Variants in IL1RAPL1 observed in about 807,000 individuals in gnomAD.
IL1RAPL1 encodes the protein interleukin-1 receptor accessory protein-like 1.
Under a neutral mutation model 48.4 loss-of-function variants are expected in IL1RAPL1, and 3 were observed. The ratio of observed to expected loss-of-function variants is 0.06; its 90% confidence interval spans 0.03 to 0.16. The LOEUF (loss-of-function observed/expected upper bound fraction) is 0.16. Ranked by LOEUF, IL1RAPL1 falls within the 10% of genes least tolerant of loss-of-function variation. The probability of loss-of-function intolerance (pLI) is 1.00; values close to 1 mark genes in which losing one functional copy is unlikely to be tolerated. For synonymous variants in IL1RAPL1, 185 were observed against 187.7 expected (o/e 0.99, Z 0.12); for missense variants, 349 against 530.6 (o/e 0.66, Z 3.36).
intron 6 of IL1RAPL1, among the ~76,000 whole-genome samples, chrX:29,770,190 A>T (rs1422460987): frequency 8.9e-6 from 1 of 112,328 alleles, no homozygotes; most frequent in Non-Finnish European, 1.9e-5. Context: ...AATAAAACTG[A>T]TGGAAGCATG....
chrX:29,847,548 A>G (rs1389373683), intron 6 of IL1RAPL1, among the ~76,000 whole-genome samples: 1 of 112,340 alleles, frequency 8.9e-6, no homozygotes, highest in Non-Finnish European at 1.9e-5. Flanking sequence ...CACCAATGTT[A>G]TCAAAATCAT....
intron 5 of IL1RAPL1, among the ~76,000 whole-genome samples, chrX:29,524,440 A>T (rs751060490): frequency 2.7e-5 from 3 of 111,537 alleles, no homozygotes; most frequent in African/African-American, 9.7e-5. Context: ...TATATTTTAT[A>T]TCAGCTTAAG....
intron 2 of IL1RAPL1, among the ~76,000 whole-genome samples, chrX:29,009,326 C>A (rs1005017489): frequency 9.0e-6 from 1 of 111,586 alleles, no homozygotes; most frequent in African/African-American, 3.3e-5. Context: ...AACAAACCTG[C>A]ACATGTACCC....
intron 2 of IL1RAPL1, among the ~76,000 whole-genome samples, chrX:29,216,790 GTTAGAGCA>G (rs934360934): frequency 1.5e-4 from 17 of 111,825 alleles, no homozygotes; most frequent in African/African-American, 5.5e-4. Context: ...GATTCAATGG[GTTAGAGCA>G]TGAGTCTTTA....
At chrX:29,374,835 A>T (rs1261463716) in intron 3 of IL1RAPL1, among the ~76,000 whole-genome samples, 1 of 111,144 alleles carries the variant, frequency 9.0e-6, no homozygotes, top group African/African-American at 3.3e-5. Flanking sequence ...TTTGGGGTCA[A>T]TAAAAAAAGG....
chrX:29,766,327 CAAAAAA>C (rs1220003136), intron 6 of IL1RAPL1, among the ~76,000 whole-genome samples: 7 of 25,639 alleles, frequency 2.7e-4, no homozygotes, highest in African/African-American at 1.5e-3. Flanking sequence ...GACTCCGTCT[CAAAAAA>C]AAAAAAAAAA....
chrX:29,802,777 ATATATGTGTG>A (rs1371712809), intron 6 of IL1RAPL1, among the ~76,000 whole-genome samples: 7 of 24,372 alleles, frequency 2.9e-4, no homozygotes, highest in Non-Finnish European at 4.8e-4. Context: ...ATATATATAT[ATATATGTGTG>A]TGTGTATATA....
At chrX:29,715,559 ATTGT>A (rs778979698) in intron 6 of IL1RAPL1, among the ~76,000 whole-genome samples, 1 of 111,623 alleles carries the variant, frequency 9.0e-6, no homozygotes, top group Admixed American at 9.6e-5. Context: ...AACTATCTAC[ATTGT>A]TTCATTTGTG....
At chrX:29,831,463 T>C (rs993301896) in intron 6 of IL1RAPL1, among the ~76,000 whole-genome samples, 1 of 111,442 alleles carries the variant, frequency 9.0e-6, no homozygotes, top group Non-Finnish European at 1.9e-5. Flanking sequence ...TATAAAAGGA[T>C]GGTTTGTTTG....
intron 5 of IL1RAPL1, among the ~76,000 whole-genome samples, chrX:29,498,938 G>A (rs1210394940): frequency 8.9e-6 from 1 of 112,102 alleles, no homozygotes; most frequent in African/African-American, 3.2e-5. Context: ...TAATTAAACA[G>A]ATGAATAGCA....
chrX:29,288,141 A>G (rs1179662812), intron 3 of IL1RAPL1, among the ~76,000 whole-genome samples: 4 of 110,287 alleles, frequency 3.6e-5, no homozygotes, highest in African/African-American at 1.3e-4. Flanking sequence ...TTTTATTTTT[A>G]TGTATTTATT....
intron 6 of IL1RAPL1, among the ~76,000 whole-genome samples, chrX:29,878,906 C>G (rs1931965736): frequency 9.0e-6 from 1 of 111,278 alleles, no homozygotes; most frequent in Admixed American, 9.6e-5. Flanking sequence ...GGGCATTTAC[C>G]AAAGAGAAAT....
chrX:29,187,299 G>A (rs1025325650), intron 2 of IL1RAPL1, among the ~76,000 whole-genome samples: 1 of 111,481 alleles, frequency 9.0e-6, no homozygotes, highest in African/African-American at 3.3e-5. Flanking sequence ...CAAGAATTAT[G>A]ACATGTGTAA....
chrX:29,173,595 C>A (rs1252735154), intron 2 of IL1RAPL1, among the ~76,000 whole-genome samples: 3 of 111,462 alleles, frequency 2.7e-5, no homozygotes, highest in Admixed American at 1.9e-4. Flanking sequence ...TTAGCTCAAG[C>A]AACCTGGAAG....
chrX:29,906,462 T>A (rs1316826783), intron 6 of IL1RAPL1, among the ~76,000 whole-genome samples: 13 of 626 alleles, frequency 0.021, no homozygotes, highest in Admixed American at 0.05. Context: ...ACTTTGTAAA[T>A]ATATATATAT....
chrX:29,400,970 T>C (rs1011800147), intron 5 of IL1RAPL1, among the ~76,000 whole-genome samples: 3 of 111,727 alleles, frequency 2.7e-5, no homozygotes, highest in African/African-American at 9.8e-5. Context: ...AATGCTAGGA[T>C]TCTAAACCAG....
intron 5 of IL1RAPL1, among the ~76,000 whole-genome samples, chrX:29,651,097 T>C (rs1442798455): frequency 9.5e-6 from 1 of 104,916 alleles, no homozygotes; most frequent in African/African-American, 3.5e-5. Flanking sequence ...CCTATTAGAA[T>C]GGCTATTGTC....
At chrX:29,208,740 A>AATAATAAT (rs1455071954) in intron 2 of IL1RAPL1, among the ~76,000 whole-genome samples, 42 of 106,790 alleles carry the variant, frequency 3.9e-4, no homozygotes, top group African/African-American at 1.4e-3. Context: ...AATAATAAAT[A>AATAATAAT]AATAAATAAA....
intron 2 of IL1RAPL1, among the ~76,000 whole-genome samples, chrX:29,036,536 G>T (rs1926735987): frequency 1.8e-5 from 2 of 111,861 alleles, no homozygotes; most frequent in Non-Finnish European, 3.8e-5. Context: ...CTTAATTACT[G>T]CTGGAAAATA....
Sources: gnomAD v4.1 joint callset for allele counts (sites outside exome capture counted in the v4.1 genomes callset) on GRCh38, gnomAD v4.1.1 for gene constraint, MANE v1.5 for transcripts, NCBI Gene and HGNC (gene_info 2026-07-23, HGNC 2026-07-21) for gene names.